Variants in TOM1L2 observed in about 807,000 individuals in gnomAD.
TOM1L2 encodes TOM1-like protein 2.
A neutral mutation model predicts 67.9 loss-of-function variants in TOM1L2; 31 were observed. The ratio of observed to expected loss-of-function variants is 0.46; its 90% CI spans 0.34 to 0.62. The LOEUF is 0.62. Among genes scored for constraint, TOM1L2 ranks in the 20% least tolerant of loss-of-function variants. The pLI is 0.01. For missense variants in TOM1L2, 606 were observed against 663.5 expected (o/e 0.91, Z 0.95); for synonymous variants, 256 against 254.0 (o/e 1.01, Z -0.07).
intron 1 of TOM1L2, among the ~76,000 whole-genome samples, chr17:17,912,261 G>A (rs1215899980): frequency 6.8e-5 from 10 of 146,796 alleles, no homozygotes; most frequent in Middle Eastern, 3.6e-3. Flanking sequence ...CCTCCCGGAC[G>A]GGGCGGCTGG....
intron 1 of TOM1L2, among the ~76,000 whole-genome samples, chr17:17,940,448 G>C (rs1309137874): frequency 6.6e-6 from 1 of 152,118 alleles, no homozygotes; most frequent in African/African-American, 2.4e-5. Context: ...GGGAGAATTT[G>C]AATTTCAGAG....
chr17:17,918,828 C>T (rs976609697), intron 1 of TOM1L2, among the ~76,000 whole-genome samples: 9 of 152,112 alleles, frequency 5.9e-5, no homozygotes, highest in Admixed American at 5.9e-4. Context: ...ATCTTCTTGG[C>T]CCCCAACCCC....
chr17:17,921,254 TCCCCAAACAAAGGAAC>T (rs2039855851), intron 1 of TOM1L2, among the ~76,000 whole-genome samples: 1 of 151,866 alleles, frequency 6.6e-6, no homozygotes, highest in South Asian at 2.1e-4. Flanking sequence ...ATCCTCCCAC[TCCCCAAACAAAGGAAC>T]CCTTCAGGCC....
At chr17:17,956,426 T>C (rs940401230) in intron 1 of TOM1L2, among the ~76,000 whole-genome samples, 2 of 152,234 alleles carry the variant, frequency 1.3e-5, no homozygotes, top group Admixed American at 6.5e-5. Flanking sequence ...GAAACCCAGC[T>C]GGCTTCACCC....
Position 17,879,790 on chromosome 17 carries a change from G to T in TOM1L2, c.661-47C>A, listed in dbSNP as rs781526846. On this transcript the variant is annotated intron_variant, in intron 6 of 14. Transcript: ENST00000379504. ...GAAAGCAGGAAGGAAAGGTCAGTCA[G>T]CCTGCACTTGCAATATCAGAATCAG... 22 of 1,428,118 alleles carry T rather than the reference G, an allele frequency of 1.5e-5. No homozygotes were observed. In the Admixed American group the frequency reaches 2.7e-4, roughly 17 times the overall value. 88.5% of individuals were successfully genotyped at this position (1,428,118 alleles called of 1,614,324 possible). A position where few individuals can be genotyped will look rare whatever the true frequency, so the allele number is the denominator to read the frequency against.
intron 1 of TOM1L2, among the ~76,000 whole-genome samples, chr17:17,967,754 C>G (rs9908832): frequency 1.3e-5 from 2 of 151,838 alleles, no homozygotes; most frequent in Non-Finnish European, 2.9e-5. Context: ...ATTATACGCG[C>G]GTGCCACCAT....
chr17:17,884,596 C>T (rs199774885), intron 5 of TOM1L2, 38 bp downstream of exon 5: 1 of 1,612,974 alleles, frequency 6.2e-7, no homozygotes, highest in East Asian at 2.2e-5. Context: ...ACCCGTTCTG[C>T]AGTAGGTCTT....
At chr17:17,938,217 G>A (rs1598373512) in intron 1 of TOM1L2, among the ~76,000 whole-genome samples, 1 of 152,244 alleles carries the variant, frequency 6.6e-6, no homozygotes, top group Admixed American at 6.5e-5. Context: ...AGAGACCAAC[G>A]TGGGATGTGC....
chr17:17,866,824 G>T, intron 9 of TOM1L2, 52 bp downstream of exon 9: 1 of 1,546,542 alleles, frequency 6.5e-7, no homozygotes, highest in Non-Finnish European at 8.9e-7. Flanking sequence ...TCCAAAACGT[G>T]GAGGGGTAGG....
Position 17,866,918 on chromosome 17 carries a change from T to G in TOM1L2, c.918A>C (p.Glu306Asp). ...GAACGGATCGGCCAGACCTGTATCG[T>G]TCGAACCTAACAGGGGAAGGGAAAG... ...NNVFLRYERF[E>D]RYRSGRSVQN... Residue 306 changes from glutamate to aspartate, a missense_variant, in exon 9 of 15, where the codon GAA becomes GAC. This residue lies in a region of TOM1L2 where 543 missense variants were observed against 554.0 expected (regional missense o/e 0.98). Coordinates refer to ENST00000379504, the MANE Select transcript of TOM1L2 (RefSeq NM_001082968.2). 1 of 1,613,884 alleles carries G rather than the reference T, an allele frequency of 6.2e-7. No individual in the cohort carries two copies. Among genetic ancestry groups the G allele is most frequent in the Non-Finnish European group, 8.5e-7 (1 of 1,179,914 alleles).
At chr17:17,953,785 T>C (rs1263388142) in intron 1 of TOM1L2, among the ~76,000 whole-genome samples, 1 of 152,178 alleles carries the variant, frequency 6.6e-6, no homozygotes, top group Non-Finnish European at 1.5e-5. Context: ...CAGGTAAAAA[T>C]GCCATCTCAC....
intron 1 of TOM1L2, among the ~76,000 whole-genome samples, chr17:17,919,584 G>C (rs2039768086): frequency 1.3e-5 from 2 of 152,206 alleles, no homozygotes; most frequent in African/African-American, 4.8e-5. Context: ...AGGTCTTAGA[G>C]ACCATCTAGT....
chr17:17,902,217 TTCAG>T (rs1415647111), intron 2 of TOM1L2, among the ~76,000 whole-genome samples: 1 of 152,134 alleles, frequency 6.6e-6, no homozygotes, highest in Non-Finnish European at 1.5e-5. Flanking sequence ...AGGTAGGTTA[TTCAG>T]TCAGCCACTC....
At chr17:17,956,900 GC>G (rs2041481718) in intron 1 of TOM1L2, among the ~76,000 whole-genome samples, 1 of 152,206 alleles carries the variant, frequency 6.6e-6, no homozygotes, top group Non-Finnish European at 1.5e-5. Flanking sequence ...GCCTCGGCCA[GC>G]CCAGGGAGGG....
intron 1 of TOM1L2, among the ~76,000 whole-genome samples, chr17:17,927,766 T>C (rs2040155355): frequency 6.6e-6 from 1 of 151,512 alleles, no homozygotes; most frequent in Non-Finnish European, 1.5e-5. Flanking sequence ...CAGGCTCAAG[T>C]GAGCCTCCCA....
rs533309319 is a variant in TOM1L2 at position 17,920,784 on chromosome 17, G to A, written c.53-13253C>T. Among the ~76,000 whole-genome samples the A allele has an allele frequency of 1.7e-4, 25 of 150,718 alleles. No individual in the cohort carries two copies. The East Asian group carries it at 4.1e-3, about 25-fold the overall frequency. ...TGAGTAGCTGGGATTACAGGCGCCCGCCACCATGCCCAGCTAATTTTTGTA... is the reference window on the plus strand; with the variant it reads ...TGAGTAGCTGGGATTACAGGCGCCCACCACCATGCCCAGCTAATTTTTGTA... On this transcript the variant is annotated intron_variant, in intron 1 of 14. Coordinates refer to ENST00000379504, the MANE Select transcript of TOM1L2 (RefSeq NM_001082968.2).
chr17:17,848,687 C>T lies in TOM1L2; in HGVS notation c.1375+136G>A, dbSNP rs1004641666. 109 of 910,426 alleles carry T rather than the reference C, an allele frequency of 1.2e-4. 2 individuals are homozygous for T. In the East Asian group the frequency reaches 2.3e-3, roughly 19 times the overall value. 56.4% of individuals were successfully genotyped at this position (910,426 alleles called of 1,614,324 possible). ...AAGACCTGGGTGGGACAAAGCCACCCGTGAAGCCCATGGCTCAGGGCCTGG... is the reference window on the plus strand; with the variant it reads ...AAGACCTGGGTGGGACAAAGCCACCTGTGAAGCCCATGGCTCAGGGCCTGG... On this transcript the variant is annotated intron_variant, in intron 14 of 14. Transcript: ENST00000379504.
intron 1 of TOM1L2, among the ~76,000 whole-genome samples, chr17:17,956,418 A>C (rs984567878): frequency 2.6e-5 from 4 of 152,222 alleles, no homozygotes; most frequent in Non-Finnish European, 4.4e-5. Context: ...TAGACTCAGA[A>C]ACCCAGCTGG....
At chr17:17,887,728 G>C (rs1447750811) in intron 4 of TOM1L2, among the ~76,000 whole-genome samples, 1 of 152,168 alleles carries the variant, frequency 6.6e-6, no homozygotes, top group Non-Finnish European at 1.5e-5. Flanking sequence ...CACCCACCTT[G>C]GCTTCCCAAA....
Sources: gnomAD v4.1 joint callset for allele counts (sites outside exome capture counted in the v4.1 genomes callset) on GRCh38, gnomAD v4.1.1 for gene constraint, gnomAD v4.1.1 regional missense constraint, MANE v1.5 for transcripts, NCBI Gene and HGNC (gene_info 2026-07-23, HGNC 2026-07-21) for gene names.